Variants in FBXL13 observed in about 807,000 individuals in gnomAD.
FBXL13 encodes F-box and leucine-rich repeat protein 13.
In FBXL13, 67 loss-of-function variants were observed where a neutral mutation model predicts 83.6. The ratio of observed to expected loss-of-function variants is 0.80; its 90% CI spans 0.66 to 0.98. The LOEUF (loss-of-function observed/expected upper bound fraction) is 0.98, where lower values mean the gene tolerates loss of function less well. Ranked by LOEUF, FBXL13 falls within the 50% of genes least tolerant of loss-of-function variation. The probability of loss-of-function intolerance (pLI) is 0.00; values close to 1 mark genes in which losing one functional copy is unlikely to be tolerated. For missense variants in FBXL13, 822 were observed against 866.5 expected (o/e 0.95, Z 0.64); for synonymous variants, 272 against 299.5 (o/e 0.91, Z 0.95).
intron 1 of FBXL13, among the ~76,000 whole-genome samples, chr7:103,058,910 T>G (rs1229770009): frequency 6.6e-6 from 1 of 152,210 alleles, no homozygotes; most frequent in Non-Finnish European, 1.5e-5. Context: ...GTCTCTGAAA[T>G]GCTAATAAAG....
At chr7:102,954,689 T>C (rs1403117510) in intron 8 of FBXL13, among the ~76,000 whole-genome samples, 1 of 152,052 alleles carries the variant, frequency 6.6e-6, no homozygotes, top group Admixed American at 6.6e-5. Context: ...AATAAAGGGA[T>C]GCGGGAAGAT....
intron 6 of FBXL13, among the ~76,000 whole-genome samples, chr7:103,016,573 TAGCCAAGGGAAGGGGTGAC>T (rs1792353416): frequency 6.6e-6 from 1 of 152,138 alleles, no homozygotes; most frequent in African/African-American, 2.4e-5. Flanking sequence ...TTCCCTTTCC[TAGCCAAGGGAAGGGGTGAC>T]AGACGGCACC....
chr7:102,933,771 C>A, intron 8 of FBXL13: 1 of 759,194 alleles, frequency 1.3e-6, no homozygotes, highest in Non-Finnish European at 2.1e-6. Context: ...TTTTCTCTTC[C>A]AGCCTAGGGA....
Position 102,822,054 on chromosome 7 carries a change from G to T in FBXL13, c.2004C>A (p.Cys668Ter). Reference sequence around the variant, plus strand: ...TACATACTTACTTGGAAATATTTGTGCAGTATTGCATCTTAAGGATCCGGA... The same window carrying T: ...TACATACTTACTTGGAAATATTTGTTCAGTATTGCATCTTAAGGATCCGGA... The change falls in exon 19 of 20, where the codon TGC (cysteine) becomes TGA (stop). Residue 668 changes from cysteine to a stop codon, truncating the protein, a stop_gained. Coordinates refer to ENST00000313221, the Ensembl canonical transcript of FBXL13. LOFTEE classifies it low-confidence loss of function (END_TRUNC). The T allele has an allele frequency of 6.2e-7, 1 of 1,614,176 alleles. No individual in the cohort carries two copies. Among genetic ancestry groups the T allele is most frequent in the East Asian group, 2.2e-5 (1 of 44,882 alleles).
Position 103,055,179 on chromosome 7 carries a change from C to A in FBXL13, c.-1+465G>T, listed in dbSNP as rs1363356458. ...CATTGATGGAGTAATGCACATATCC[C>A]TTTAATAACATCATAAAATACAGTC... On this transcript the variant is annotated intron_variant, in intron 2 of 19. Coordinates refer to ENST00000313221, the Ensembl canonical transcript of FBXL13. The A allele has an allele frequency of 1.6e-6, 2 of 1,272,452 alleles. No individual in the cohort carries two copies. Among genetic ancestry groups the A allele is most frequent in the Non-Finnish European group, 2.0e-6 (2 of 979,004 alleles). 78.8% of individuals were successfully genotyped at this position (1,272,452 alleles called of 1,614,324 possible).
At chr7:102,977,458 T>C (rs1248933420) in intron 6 of FBXL13, among the ~76,000 whole-genome samples, 1 of 152,188 alleles carries the variant, frequency 6.6e-6, no homozygotes, top group Non-Finnish European at 1.5e-5. Context: ...ATCAGAAAAG[T>C]AGCCCATGTA....
chr7:102,932,277 T>A (rs1291534104), intron 8 of FBXL13, among the ~76,000 whole-genome samples: 1 of 152,250 alleles, frequency 6.6e-6, no homozygotes, highest in South Asian at 2.1e-4. Flanking sequence ...TTTTTTGTTT[T>A]CATTTAACAT....
intron 18 of FBXL13, among the ~76,000 whole-genome samples, chr7:102,825,395 C>T (rs909064976): frequency 1.3e-5 from 2 of 152,152 alleles, no homozygotes; most frequent in South Asian, 2.1e-4. Context: ...CCTTGCCATG[C>T]GATTCCCTGC....
At chr7:102,830,468 G>A (rs1430300246) in intron 18 of FBXL13, among the ~76,000 whole-genome samples, 2 of 152,186 alleles carry the variant, frequency 1.3e-5, no homozygotes, top group African/African-American at 4.8e-5. Flanking sequence ...CGCTTCTAGT[G>A]TTCTGGGTCC....
rs76470495 is a variant in FBXL13, at chr7:102,949,665, T to C, written c.724+13868A>G. Reference sequence around the variant, plus strand: ...GTTGTTTCTGTGATGAAGACAATTGTACTAAGAAGTACACTTCCAGAAAAA... The same window carrying C: ...GTTGTTTCTGTGATGAAGACAATTGCACTAAGAAGTACACTTCCAGAAAAA... On this transcript the variant is annotated intron_variant, in intron 8 of 19. Transcript: ENST00000313221. Among the ~76,000 whole-genome samples, 569 of 152,322 alleles carry C rather than the reference T, an allele frequency of 3.7e-3. 5 individuals carry two copies. The highest frequency in any genetic ancestry group is 0.014 in the African/African-American group (562 of 41,572).
At chr7:102,984,658 G>A (rs1051113040) in intron 6 of FBXL13, among the ~76,000 whole-genome samples, 1 of 152,114 alleles carries the variant, frequency 6.6e-6, no homozygotes, top group Non-Finnish European at 1.5e-5. Flanking sequence ...AATAAGAAGG[G>A]AAAGAAGATA....
At chr7:102,962,855 A>T (rs1171714213) in intron 8 of FBXL13, among the ~76,000 whole-genome samples, 2 of 151,548 alleles carry the variant, frequency 1.3e-5, no homozygotes, top group Non-Finnish European at 2.9e-5. Context: ...AGGGGGAGGG[A>T]TAGCATCGGG....
chr7:102,944,245 G>A (rs368438822), intron 8 of FBXL13: 1 of 1,611,010 alleles, frequency 6.2e-7, no homozygotes, highest in East Asian at 2.2e-5. Flanking sequence ...AGAAGAATTA[G>A]ATTTATCAAA....
intron 8 of FBXL13, among the ~76,000 whole-genome samples, chr7:102,959,226 T>C (rs545147735): frequency 1.2e-4 from 19 of 152,226 alleles, no homozygotes; most frequent in African/African-American, 4.6e-4. Flanking sequence ...GCACCAGCAA[T>C]AATCAATCAG....
chr7:103,025,530 T>C (rs1793803116), intron 5 of FBXL13, among the ~76,000 whole-genome samples: 1 of 152,180 alleles, frequency 6.6e-6, no homozygotes, highest in Non-Finnish European at 1.5e-5. Context: ...GTCAAGGCTC[T>C]GGCAATGATA....
Position 102,877,457 on chromosome 7 carries a change from A to AT in FBXL13, c.1635+9dup, listed in dbSNP as rs746113642. On this transcript the variant is annotated intron_variant, in intron 16 of 19. Coordinates refer to ENST00000313221, the Ensembl canonical transcript of FBXL13. Reference sequence around the variant, plus strand: ...AATAAAAGTCATTGTACTGTTTTGAATTTTTTTACCTCATTAGAGATGTCT... The same window carrying AT: ...AATAAAAGTCATTGTACTGTTTTGAATTTTTTTTACCTCATTAGAGATGTCT... The AT allele has an allele frequency of 1.9e-4, 301 of 1,570,004 alleles. 1 individual carries two copies. The highest frequency in any genetic ancestry group is 3.6e-4 in the Admixed American group (18 of 49,784).
At chr7:102,852,964 T>C (rs906000312) in intron 17 of FBXL13, among the ~76,000 whole-genome samples, 1 of 152,150 alleles carries the variant, frequency 6.6e-6, no homozygotes, top group Non-Finnish European at 1.5e-5. Context: ...AATGAGTAGA[T>C]AAAGAAATTG....
At chr7:103,039,502 G>A (rs953303414) in intron 2 of FBXL13, among the ~76,000 whole-genome samples, 1 of 152,072 alleles carries the variant, frequency 6.6e-6, no homozygotes, top group Non-Finnish European at 1.5e-5. Flanking sequence ...CTTGAGAAGA[G>A]CAACTCCAAG....
intron 8 of FBXL13, among the ~76,000 whole-genome samples, chr7:102,956,305 C>T (rs865898958): frequency 9.2e-5 from 14 of 152,232 alleles, no homozygotes; most frequent in Middle Eastern, 6.8e-3. Context: ...TCAACAGATA[C>T]AGAAAAGGCC....
Sources: gnomAD v4.1 joint callset for allele counts (sites outside exome capture counted in the v4.1 genomes callset) on GRCh38, gnomAD v4.1.1 for gene constraint, MANE v1.5 for transcripts, NCBI Gene and HGNC (gene_info 2026-07-23, HGNC 2026-07-21) for gene names.